KCNB2: variants seen among roughly 807,000 people sequenced by gnomAD.
KCNB2 encodes the protein delayed rectifier potassium channel protein.
In KCNB2, 15 loss-of-function variants were observed where a neutral mutation model predicts 61.5. That is an observed-to-expected ratio of 0.24 (90% CI 0.16 to 0.38). The LOEUF is 0.38. KCNB2 is among the 10% of genes least tolerant of loss of function. KCNB2 has a pLI of 1.00. For missense variants in KCNB2, 828 were observed against 1,125.2 expected (o/e 0.74, Z 3.78); for synonymous variants, 457 against 446.0 (o/e 1.02, Z -0.31).
At chr8:72,712,720 A>T (rs1297213512) in intron 2 of KCNB2, among the ~76,000 whole-genome samples, 2 of 152,226 alleles carry the variant, frequency 1.3e-5, no homozygotes, top group Non-Finnish European at 2.9e-5. Flanking sequence ...TCCAGTCTAC[A>T]GCTCCCAGCA....
chr8:72,774,873 G>A (rs1808620999), intron 2 of KCNB2, among the ~76,000 whole-genome samples: 3 of 151,936 alleles, frequency 2.0e-5, no homozygotes, highest in Admixed American at 6.6e-5. Flanking sequence ...CTTTATCCGT[G>A]TAGCTCAGGA....
intron 2 of KCNB2, among the ~76,000 whole-genome samples, chr8:72,728,323 A>G (rs2128993277): frequency 6.6e-6 from 1 of 152,318 alleles, no homozygotes; most frequent in East Asian, 1.9e-4. Flanking sequence ...GCACTCAGTT[A>G]TTCCTCACAG....
intron 2 of KCNB2, among the ~76,000 whole-genome samples, chr8:72,755,239 T>C (rs1808268887): frequency 6.6e-6 from 1 of 152,102 alleles, no homozygotes. Context: ...GGAGACATGA[T>C]GACTAAAGGT....
At chr8:72,849,627 C>A (rs1269822776) in intron 2 of KCNB2, among the ~76,000 whole-genome samples, 1 of 152,166 alleles carries the variant, frequency 6.6e-6, no homozygotes, top group African/African-American at 2.4e-5. Context: ...TTAAAAAAAT[C>A]TTCCCTCCTT....
chr8:72,636,076 GCT>G (rs3031985), intron 2 of KCNB2, among the ~76,000 whole-genome samples: 3,839 of 152,252 alleles, frequency 0.025, 66 homozygotes, highest in South Asian at 0.073. Flanking sequence ...GGGAAGGTTA[GCT>G]CTTATTCGGA....
intron 2 of KCNB2, among the ~76,000 whole-genome samples, chr8:72,821,658 A>C (rs1304577095): frequency 1.4e-5 from 2 of 142,370 alleles, no homozygotes; most frequent in Middle Eastern, 3.3e-3. Flanking sequence ...AAAAAAAAAA[A>C]AACACACACA....
intron 2 of KCNB2, among the ~76,000 whole-genome samples, chr8:72,681,478 CA>C (rs1158899284): frequency 1.3e-5 from 2 of 152,122 alleles, no homozygotes; most frequent in East Asian, 1.9e-4. Context: ...GGAAGGTCTT[CA>C]GGGGCAATAA....
intron 2 of KCNB2, among the ~76,000 whole-genome samples, chr8:72,726,990 T>C (rs1333359112): frequency 6.6e-6 from 1 of 151,704 alleles, no homozygotes; most frequent in Non-Finnish European, 1.5e-5. Context: ...GAAAATGCTC[T>C]CTATTTGCCT....
chr8:72,751,785 C>T (rs1399113885), intron 2 of KCNB2: 1 of 152,096 alleles, frequency 6.6e-6, no homozygotes, highest in African/African-American at 2.4e-5. Flanking sequence ...CATCTGAGCC[C>T]CCACCTACAT....
At chr8:72,892,260 T>C (rs548575051) in intron 2 of KCNB2, among the ~76,000 whole-genome samples, 31 of 152,144 alleles carry the variant, frequency 2.0e-4, no homozygotes, top group African/African-American at 6.0e-4. Context: ...TCACTACCCA[T>C]GTAAGAAGGG....
intron 2 of KCNB2, among the ~76,000 whole-genome samples, chr8:72,858,337 A>T (rs1810239356): frequency 1.3e-5 from 2 of 152,196 alleles, no homozygotes; most frequent in African/African-American, 4.8e-5. Flanking sequence ...TAATTTCAAG[A>T]TATGTCTTTA....
chr8:72,809,740 T>C (rs1809277293), intron 2 of KCNB2, among the ~76,000 whole-genome samples: 1 of 152,204 alleles, frequency 6.6e-6, no homozygotes, highest in Non-Finnish European at 1.5e-5. Context: ...CAGTATACCA[T>C]GGATGGAATC....
chr8:72,670,029 C>G (rs1806537501), intron 2 of KCNB2, among the ~76,000 whole-genome samples: 1 of 152,222 alleles, frequency 6.6e-6, no homozygotes, highest in Admixed American at 6.5e-5. Context: ...CGCTTGACTA[C>G]AGATCACTGA....
intron 2 of KCNB2, among the ~76,000 whole-genome samples, chr8:72,627,558 T>TA (rs148513388): frequency 8.9e-4 from 135 of 152,358 alleles, no homozygotes; most frequent in Non-Finnish European, 1.6e-3. Flanking sequence ...TTGTTTTTTT[T>TA]ATGCATGATT....
rs141405185 is a variant in KCNB2, at chr8:72,796,660, A to G, written c.580-139275A>G. ...ATCCAATCAAATCAGAGTTACTCTA[A>G]CTTACTAAAAAGTGTAAATCAAAAT... On this transcript the variant is annotated intron_variant, in intron 2 of 2. Coordinates refer to ENST00000523207, the MANE Select transcript of KCNB2 (RefSeq NM_004770.3). Among the ~76,000 whole-genome samples, 5 of 152,306 alleles carry G rather than the reference A, an allele frequency of 3.3e-5. No individual in the cohort carries two copies. In the East Asian group the frequency reaches 9.6e-4, roughly 29 times the overall value.
chr8:72,874,788 T>G (rs1420297575), intron 2 of KCNB2: 1 of 152,278 alleles, frequency 6.6e-6, no homozygotes, highest in African/African-American at 2.4e-5. Flanking sequence ...TGCCAGGGAC[T>G]CGGGCCAAAA....
In KCNB2 at chr8:72,778,475, C is replaced by A. The variant is rs551489198; in HGVS notation, c.580-157460C>A. ...TTTCTGGGCCAGGCACGGTGGCTCA[C>A]ATCTGTAATCCCAGCCCTTTGGGAG... On this transcript the variant is annotated intron_variant, in intron 2 of 2. Coordinates refer to ENST00000523207, the MANE Select transcript of KCNB2 (RefSeq NM_004770.3). Among the ~76,000 whole-genome samples, 468 of 151,932 alleles carry A rather than the reference C, an allele frequency of 3.1e-3. 1 individual carries two copies. Among genetic ancestry groups the A allele is most frequent in the Non-Finnish European group, 5.4e-3 (369 of 67,958 alleles).
intron 2 of KCNB2, among the ~76,000 whole-genome samples, chr8:72,713,112 G>A (rs1807353802): frequency 6.6e-6 from 1 of 152,244 alleles, no homozygotes; most frequent in Non-Finnish European, 1.5e-5. Flanking sequence ...AAGGCTGGGG[G>A]AGGGGCGCCC....
chr8:72,844,566 C>T (rs1411506278), intron 2 of KCNB2, among the ~76,000 whole-genome samples: 1 of 152,194 alleles, frequency 6.6e-6, no homozygotes, highest in Non-Finnish European at 1.5e-5. Context: ...TTGTCACTTT[C>T]AGGTATACCA....
Sources: gnomAD v4.1 joint callset for allele counts (sites outside exome capture counted in the v4.1 genomes callset) on GRCh38, gnomAD v4.1.1 for gene constraint, MANE v1.5 for transcripts, NCBI Gene and HGNC (gene_info 2026-07-23, HGNC 2026-07-21) for gene names.